The following LRTM1 variants were observed in gnomAD, a reference collection of about 807,000 sequenced individuals.
LRTM1 encodes leucine rich repeat transmembrane protein 1.
Under a neutral mutation model 32.4 loss-of-function variants are expected in LRTM1, and 38 were observed. The ratio of observed to expected loss-of-function variants is 1.17; its 90% CI spans 0.91 to 1.54. The LOEUF is 1.54. Ranked by LOEUF, LRTM1 falls within the 40% of genes most tolerant of loss-of-function variation. The pLI is 0.00. For synonymous variants in LRTM1, 186 were observed against 169.9 expected (o/e 1.09, Z -0.74); for missense variants, 466 against 415.4 (o/e 1.12, Z -1.06).
chr3:54,928,930 T>C (rs79824059), upstream of LRTM1, among the ~76,000 whole-genome samples: 693 of 152,264 alleles, frequency 4.6e-3, 8 homozygotes, highest in African/African-American at 0.016. Flanking sequence ...CTGGAACCGT[T>C]TCTTTGAATG....
At chr3:54,962,063 A>G (rs927707648) in intron 1 of LRTM1, among the ~76,000 whole-genome samples, 10 of 151,902 alleles carry the variant, frequency 6.6e-5, no homozygotes, top group African/African-American at 2.4e-4. Context: ...TCATTAATCC[A>G]TTAACCCATT....
intron 2 of LRTM1, among the ~76,000 whole-genome samples, chr3:54,921,268 G>T (rs992974149): frequency 1.3e-5 from 2 of 152,072 alleles, no homozygotes; most frequent in African/African-American, 4.8e-5. Flanking sequence ...AAACTCCCTT[G>T]ACCACGTTGT....
chr3:54,925,255 G>A, intron 1 of LRTM1, 40 bp from the exon 2 acceptor site: 1 of 1,521,638 alleles, frequency 6.6e-7, no homozygotes, highest in Non-Finnish European at 9.0e-7. Context: ...GAACCAGTTT[G>A]TGAGGTGTGG....
chr3:54,946,629 A>G (rs894143548), intron 1 of LRTM1, among the ~76,000 whole-genome samples: 1 of 152,140 alleles, frequency 6.6e-6, no homozygotes, highest in Non-Finnish European at 1.5e-5. Flanking sequence ...TAATGACAGG[A>G]GAGCCGTCCT....
At chr3:54,931,366 G>T (rs1157025921), upstream of LRTM1, among the ~76,000 whole-genome samples, 1 of 151,818 alleles carries the variant, frequency 6.6e-6, no homozygotes, top group Non-Finnish European at 1.5e-5. Flanking sequence ...GGATGTGGAG[G>T]CTGATTGATT....
chr3:54,929,925 A>T (rs1009652134), upstream of LRTM1, among the ~76,000 whole-genome samples: 1 of 152,228 alleles, frequency 6.6e-6, no homozygotes, highest in African/African-American at 2.4e-5. Flanking sequence ...AAGAACTAGA[A>T]AGTTACTAAT....
intron 1 of LRTM1, among the ~76,000 whole-genome samples, chr3:54,953,470 G>A (rs968095931): frequency 7.9e-5 from 12 of 152,168 alleles, no homozygotes; most frequent in Non-Finnish European, 1.6e-4. Flanking sequence ...AAGATCATGG[G>A]ACGCAGCTGA....
intron 2 of LRTM1, among the ~76,000 whole-genome samples, chr3:54,923,751 T>G (rs959595711): frequency 6.6e-6 from 1 of 152,166 alleles, no homozygotes; most frequent in Non-Finnish European, 1.5e-5. Flanking sequence ...AAGCCATGCC[T>G]TCTGTTCTCA....
chr3:54,946,035 T>C (rs991621710), intron 1 of LRTM1, among the ~76,000 whole-genome samples: 1 of 152,198 alleles, frequency 6.6e-6, no homozygotes. Context: ...CCTGCCTCAT[T>C]ATCACATTTC....
In LRTM1 at chr3:54,953,724, G is replaced by C. The variant is rs144712912; in HGVS notation, c.-222+13204C>G. ...TTTCCCCCTTGCCTGTGAACGCTTG[G>C]GGCAACCTCGGGCTCCTGCCTCTGC... On this transcript the variant is annotated intron_variant, in intron 1 of 2. Transcript: ENST00000493075. 1.3e-3 allele frequency among the ~76,000 whole-genome samples: 194 copies of C among 152,266 alleles called. 1 individual carries two copies. The highest frequency in any genetic ancestry group is 2.3e-3 in the Non-Finnish European group (156 of 68,024).
intron 1 of LRTM1, among the ~76,000 whole-genome samples, chr3:54,962,095 A>T (rs1439668439): frequency 1.3e-5 from 2 of 152,152 alleles, no homozygotes; most frequent in African/African-American, 4.8e-5. Context: ...AGATTAATCC[A>T]TTCATGAGGA....
In LRTM1 at chr3:54,951,216, A is replaced by G. The variant is rs145717080; in HGVS notation, c.-222+15712T>C. On this transcript the variant is annotated intron_variant, in intron 1 of 2. Coordinates refer to the LRTM1 transcript ENST00000493075. ...TAAAGTAGCTAGATGCTTGTGCTGC[A>G]CTTTGGTGCAAAATCTGTCAATGCA... is the stretch of plus-strand genomic sequence containing the variant. Among the ~76,000 whole-genome samples, 195 of 152,326 alleles carry G rather than the reference A, an allele frequency of 1.3e-3. 1 individual carries two copies. Among genetic ancestry groups the G allele is most frequent in the African/African-American group, 4.1e-3 (170 of 41,574 alleles).
intron 1 of LRTM1, among the ~76,000 whole-genome samples, chr3:54,933,360 AG>A (rs1701253082): frequency 1.3e-5 from 2 of 152,210 alleles, no homozygotes; most frequent in African/African-American, 4.8e-5. Flanking sequence ...TCAGGTTGAC[AG>A]GGGCCTGGGC....
chr3:54,926,602 A>G (rs931613884), intron 1 of LRTM1, among the ~76,000 whole-genome samples: 3 of 152,090 alleles, frequency 2.0e-5, no homozygotes, highest in African/African-American at 7.2e-5. Flanking sequence ...GTAATCATCA[A>G]TATGTCTCAT....
intron 2 of LRTM1, among the ~76,000 whole-genome samples, chr3:54,920,136 A>T (rs1700797496): frequency 6.6e-6 from 1 of 152,200 alleles, no homozygotes; most frequent in African/African-American, 2.4e-5. Context: ...ACAGTAAGTG[A>T]ATTAGGAAAT....
intron 1 of LRTM1, among the ~76,000 whole-genome samples, chr3:54,941,122 G>A (rs1450298222): frequency 1.3e-5 from 2 of 152,046 alleles, no homozygotes; most frequent in East Asian, 3.9e-4. Context: ...TGTTTCTCCT[G>A]GTAATGCAAT....
At chr3:54,941,530 G>A (rs188352424) in intron 1 of LRTM1, among the ~76,000 whole-genome samples, 241 of 152,228 alleles carry the variant, frequency 1.6e-3, no homozygotes, top group Non-Finnish European at 2.2e-3. Flanking sequence ...GGATTATGTG[G>A]GTGAGCAGTA....
At chr3:54,958,930 C>A (rs540700195) in intron 1 of LRTM1, among the ~76,000 whole-genome samples, 7 of 152,232 alleles carry the variant, frequency 4.6e-5, no homozygotes, top group African/African-American at 1.7e-4. Flanking sequence ...ATGGCAAAAC[C>A]CTGTCTCTAC....
rs533596688 is a variant in LRTM1, at chr3:54,918,332, C to CTTTTTTTTT, written c.*118_*126dup. 1,772 of 228,112 alleles carry CTTTTTTTTT rather than the reference C, an allele frequency of 7.8e-3. 270 individuals carry two copies. Among genetic ancestry groups the CTTTTTTTTT allele is most frequent in the Non-Finnish European group, 0.01 (1,277 of 126,210 alleles). The allele number at this position is 228,112 out of a possible 1,614,324, so 14.1% of individuals were successfully genotyped here. ...TTTTACAGACACATCTTTTTTTTTT[C>CTTTTTTTTT]TTTTTTTTTTTTTTTTTTTTTTTGT... is the stretch of plus-strand genomic sequence containing the variant. On this transcript the variant is annotated 3_prime_UTR_variant, in exon 3 of 3. Transcript: ENST00000273286.
Sources: gnomAD v4.1 joint callset for allele counts (sites outside exome capture counted in the v4.1 genomes callset) on GRCh38, gnomAD v4.1.1 for gene constraint, MANE v1.5 for transcripts, NCBI Gene and HGNC (gene_info 2026-07-23, HGNC 2026-07-21) for gene names.